KIRREL1: variants seen among roughly 807,000 people sequenced by gnomAD.
KIRREL1 encodes the protein kirre like nephrin family adhesion molecule 1.
Under a neutral mutation model 83.3 loss-of-function variants are expected in KIRREL1, and 25 were observed. That is an observed-to-expected ratio of 0.30 (90% CI 0.22 to 0.42). The LOEUF is 0.42. Ranked by LOEUF, KIRREL1 falls within the 10% of genes least tolerant of loss-of-function variation. The probability of loss-of-function intolerance (pLI) is 1.00; values close to 1 mark genes in which losing one functional copy is unlikely to be tolerated. For synonymous variants in KIRREL1, 388 were observed against 410.4 expected (o/e 0.95, Z 0.66); for missense variants, 812 against 1,032.3 (o/e 0.79, Z 2.92).
At chr1:158,089,250 G>A (rs1396303318) in intron 8 of KIRREL1, among the ~76,000 whole-genome samples, 1 of 152,204 alleles carries the variant, frequency 6.6e-6, no homozygotes, top group Non-Finnish European at 1.5e-5. Flanking sequence ...CTCCTAAAAT[G>A]ATTGCAGCCT....
At chr1:158,083,130 G>A (rs2101633017) in intron 3 of KIRREL1, among the ~76,000 whole-genome samples, 1 of 152,290 alleles carries the variant, frequency 6.6e-6, no homozygotes, top group African/African-American at 2.4e-5. Context: ...AGATAGGGGA[G>A]GGAGAGCCCC....
intron 10 of KIRREL1, among the ~76,000 whole-genome samples, chr1:158,090,543 C>T (rs993683806): frequency 2.0e-5 from 3 of 152,190 alleles, no homozygotes; most frequent in Admixed American, 1.3e-4. Flanking sequence ...GGGGGCTTTC[C>T]TTGCAGATCT....
At chr1:158,001,341 C>T (rs150778179) in intron 1 of KIRREL1, among the ~76,000 whole-genome samples, 1 of 152,298 alleles carries the variant, frequency 6.6e-6, no homozygotes, top group East Asian at 1.9e-4. Context: ...TCTCAGTAGG[C>T]CTCAGTTCTC....
chr1:158,021,108 TGAGG>T (rs1292407463), intron 1 of KIRREL1, among the ~76,000 whole-genome samples: 1 of 152,142 alleles, frequency 6.6e-6, no homozygotes, highest in Non-Finnish European at 1.5e-5. Context: ...GGGCTGGCAT[TGAGG>T]AAGTATCTCG....
chr1:158,008,946 G>A (rs2101632788), intron 1 of KIRREL1, among the ~76,000 whole-genome samples: 1 of 152,082 alleles, frequency 6.6e-6, no homozygotes, highest in Admixed American at 6.5e-5. Context: ...TTCCTGCTGG[G>A]CCCTCCCCTC....
At chr1:158,092,345 C>CTTTTTTTTTTTTTT (rs11430850) in intron 11 of KIRREL1, among the ~76,000 whole-genome samples, 1 of 110,936 alleles carries the variant, frequency 9.0e-6, no homozygotes, top group African/African-American at 3.5e-5. Context: ...TCACTTCAGT[C>CTTTTTTTTTTTTTT]TTTTTTTTTT....
intron 1 of KIRREL1, among the ~76,000 whole-genome samples, chr1:158,068,755 C>G (rs1290294749): frequency 6.6e-6 from 1 of 151,924 alleles, no homozygotes; most frequent in African/African-American, 2.4e-5. Flanking sequence ...GTGAGGGGAC[C>G]TCTCTGGCTG....
At chr1:158,060,705 C>T (rs1661193239) in intron 1 of KIRREL1, among the ~76,000 whole-genome samples, 1 of 152,196 alleles carries the variant, frequency 6.6e-6, no homozygotes, top group Non-Finnish European at 1.5e-5. Context: ...TTCCTGGCAG[C>T]CCAGCCAGGA....
intron 1 of KIRREL1, among the ~76,000 whole-genome samples, chr1:158,029,366 T>TGTGTGTGTGTGTGTGTGTGTGTGCGC: frequency 6.7e-6 from 1 of 148,930 alleles, no homozygotes; most frequent in Non-Finnish European, 1.5e-5. Flanking sequence ...TGTGTGTGTG[T>TGTGTGTGTGTGTGTGTGTGTGTGCGC]GCACGTGCGC....
intron 1 of KIRREL1, among the ~76,000 whole-genome samples, chr1:158,053,096 A>G (rs534431504): frequency 6.6e-6 from 1 of 152,312 alleles, no homozygotes; most frequent in African/African-American, 2.4e-5. Context: ...AATGGGGATC[A>G]CATTTCCACA....
chr1:158,087,367 C>T (rs1318002435), intron 5 of KIRREL1, among the ~76,000 whole-genome samples: 3 of 152,218 alleles, frequency 2.0e-5, no homozygotes, highest in Middle Eastern at 3.4e-3. Flanking sequence ...GAGCATCTAG[C>T]ATGGAGTATT....
chr1:158,029,052 T>TA (rs1660246633), intron 1 of KIRREL1, among the ~76,000 whole-genome samples: 1 of 152,154 alleles, frequency 6.6e-6, no homozygotes, highest in Non-Finnish European at 1.5e-5. Flanking sequence ...TATAAAGAGA[T>TA]ACGTATGGTC....
chr1:157,995,830 G>GT (rs1368906325), intron 1 of KIRREL1, among the ~76,000 whole-genome samples: 3 of 151,844 alleles, frequency 2.0e-5, no homozygotes, highest in Non-Finnish European at 2.9e-5. Context: ...AAGAAAGGGA[G>GT]AGACTAGACA....
chr1:158,093,883 C>CCA, intron 13 of KIRREL1, 121 bp downstream of exon 13: 1 of 1,032,474 alleles, frequency 9.7e-7, no homozygotes, highest in Non-Finnish European at 1.4e-6. Context: ...CCTGGTCCTG[C>CCA]CACACACACT....
chr1:158,047,384 T>TG (rs989332743), intron 1 of KIRREL1, among the ~76,000 whole-genome samples: 9 of 151,924 alleles, frequency 5.9e-5, no homozygotes, highest in African/African-American at 1.5e-4. Flanking sequence ...GGGTGGGGAA[T>TG]GGGGGTTCAG....
chr1:158,078,924 C>T (rs148380893), intron 3 of KIRREL1, among the ~76,000 whole-genome samples: 3 of 152,260 alleles, frequency 2.0e-5, no homozygotes, highest in South Asian at 2.1e-4. Flanking sequence ...GCCACAGAAC[C>T]GGAAGGAGGC....
At chr1:158,054,721 C>T (rs1280729135) in intron 1 of KIRREL1, among the ~76,000 whole-genome samples, 1 of 152,164 alleles carries the variant, frequency 6.6e-6, no homozygotes, top group East Asian at 1.9e-4. Context: ...TTTTGTTGCT[C>T]GCTCTACTAA....
chr1:158,044,137 T>C (rs942697258), intron 1 of KIRREL1, among the ~76,000 whole-genome samples: 2 of 152,162 alleles, frequency 1.3e-5, no homozygotes, highest in African/African-American at 4.8e-5. Flanking sequence ...CAGCTGGACA[T>C]GGCCCCTGCC....
chr1:158,048,566 C>T (rs1045293248), intron 1 of KIRREL1, among the ~76,000 whole-genome samples: 8 of 152,162 alleles, frequency 5.3e-5, no homozygotes, highest in African/African-American at 1.9e-4. Context: ...TACAGAACAT[C>T]AAAGTTGGAA....
Sources: gnomAD v4.1 joint callset for allele counts (sites outside exome capture counted in the v4.1 genomes callset) on GRCh38, gnomAD v4.1.1 for gene constraint, MANE v1.5 for transcripts, NCBI Gene and HGNC (gene_info 2026-07-23, HGNC 2026-07-21) for gene names.